CYB5A: variants seen among roughly 807,000 people sequenced by gnomAD.
CYB5A encodes the protein cytochrome b5.
CYB5A carries 10 observed loss-of-function variants against 16.2 expected under a neutral mutation model. That is an observed-to-expected ratio of 0.62 (90% CI 0.38 to 1.04). The LOEUF is 1.04. CYB5A is among the 50% of genes least tolerant of loss of function. The pLI, the probability that CYB5A is intolerant of heterozygous loss-of-function variation, is 0.01. For synonymous variants in CYB5A, 62 were observed against 57.0 expected, an observed-to-expected ratio of 1.09 and a Z score of -0.40; for missense variants, 161 against 165.9, an observed-to-expected ratio of 0.97 and a Z score of 0.16.
chr18:74,265,022 T>C (rs992883528), intron 1 of CYB5A, among the ~76,000 whole-genome samples: 1 of 152,204 alleles, frequency 6.6e-6, no homozygotes, highest in African/African-American at 2.4e-5. Flanking sequence ...GCAAGTCACC[T>C]GCAAGTGTCC....
chr18:74,291,954 C>G lies in CYB5A; in HGVS notation c.-79G>C, dbSNP rs1040122670. 1.4e-5 allele frequency: 22 copies of G among 1,597,266 alleles called. No individual in the cohort carries two copies. The African/African-American group carries it at 1.5e-4, about 11-fold the overall frequency. ...AGCGCGCGACTCAGCCAGCTCCACCCGGGACATTCCCCGCGCCGGGAACCC... is the reference window on the plus strand; with the variant it reads ...AGCGCGCGACTCAGCCAGCTCCACCGGGGACATTCCCCGCGCCGGGAACCC... On this transcript the variant is annotated 5_prime_UTR_variant, in exon 1 of 5. Transcript: ENST00000340533.
intron 3 of CYB5A, chr18:74,257,683 G>A (rs75535162): frequency 0.11 from 16,466 of 152,340 alleles, 985 homozygotes; most frequent in South Asian, 0.21. Context: ...TTGGGAGGCC[G>A]AGATTGGCGG....
intron 1 of CYB5A, among the ~76,000 whole-genome samples, chr18:74,286,264 C>G (rs1983316493): frequency 6.6e-6 from 1 of 152,146 alleles, no homozygotes; most frequent in Non-Finnish European, 1.5e-5. Context: ...TATTATTTTC[C>G]CCTTACACAA....
chr18:74,267,631 G>T (rs1012606139), intron 1 of CYB5A, among the ~76,000 whole-genome samples: 1 of 152,148 alleles, frequency 6.6e-6, no homozygotes, highest in African/African-American at 2.4e-5. Context: ...AAAAGGCAAG[G>T]CAGAAAGTAG....
intron 1 of CYB5A, among the ~76,000 whole-genome samples, chr18:74,289,574 G>A (rs1983448844): frequency 1.3e-5 from 2 of 152,088 alleles, no homozygotes; most frequent in African/African-American, 2.4e-5. Context: ...TCAGCAGTTC[G>A]AGACCAACTT....
chr18:74,274,406 T>A (rs545173985), intron 1 of CYB5A, among the ~76,000 whole-genome samples: 1 of 152,212 alleles, frequency 6.6e-6, no homozygotes, highest in Non-Finnish European at 1.5e-5. Context: ...TAAAAGTGGA[T>A]CTATAAAAAC....
Position 74,252,671 on chromosome 18 carries a change from A to T in CYB5A, c.*913T>A, listed in dbSNP as rs555981154. 6.6e-6 allele frequency: 1 copy of T among 152,290 alleles called. No homozygotes were observed. Among genetic ancestry groups the T allele is most frequent in the African/African-American group, 2.4e-5 (1 of 41,558 alleles). 9.4% of individuals were successfully genotyped at this position (152,290 alleles called of 1,614,324 possible). A position where few individuals can be genotyped will look rare whatever the true frequency, so the allele number is the denominator to read the frequency against. On this transcript the variant is annotated 3_prime_UTR_variant, in exon 5 of 5. Coordinates refer to ENST00000340533, the MANE Select transcript of CYB5A (RefSeq NM_148923.4). ...AGTTGCTGATGTTTTTCAATCAGTGAAGATAAGAAGTCTCTCTTATAGGCC... is the reference window on the plus strand; with the variant it reads ...AGTTGCTGATGTTTTTCAATCAGTGTAGATAAGAAGTCTCTCTTATAGGCC...
At chr18:74,283,218 G>A (rs1182434776) in intron 1 of CYB5A, among the ~76,000 whole-genome samples, 2 of 152,184 alleles carry the variant, frequency 1.3e-5, no homozygotes, top group Non-Finnish European at 2.9e-5. Context: ...GGGACCCACT[G>A]AGGGATTTAT....
intron 3 of CYB5A, chr18:74,256,923 AT>A: frequency 7.3e-7 from 1 of 1,362,448 alleles, no homozygotes; most frequent in South Asian, 1.2e-5. Flanking sequence ...TATTCCAGCA[AT>A]TTTAAAATCT....
At chr18:74,288,140 C>T (rs1196597717) in intron 1 of CYB5A, among the ~76,000 whole-genome samples, 8 of 152,220 alleles carry the variant, frequency 5.3e-5, no homozygotes, top group South Asian at 2.1e-4. Flanking sequence ...TCTACCCCTC[C>T]GCCTAAACAA....
chr18:74,255,391 A>G (rs1981932740), intron 4 of CYB5A, among the ~76,000 whole-genome samples: 1 of 152,230 alleles, frequency 6.6e-6, no homozygotes, highest in South Asian at 2.1e-4. Flanking sequence ...AGTTTAAGAA[A>G]CAGACATGGA....
rs1983567315 is a variant in CYB5A, at chr18:74,291,931, C to G, written c.-56G>C. The G allele has an allele frequency of 3.7e-6, 6 of 1,603,610 alleles. No individual in the cohort carries two copies. The highest frequency in any genetic ancestry group is 4.2e-6 in the Non-Finnish European group (5 of 1,179,528). On this transcript the variant is annotated 5_prime_UTR_variant, in exon 1 of 5. Transcript: ENST00000340533. ...CACAGCCCCGTCGGGTGGAGCAGAGCGCGCGACTCAGCCAGCTCCACCCGG... is the reference window on the plus strand; with the variant it reads ...CACAGCCCCGTCGGGTGGAGCAGAGGGCGCGACTCAGCCAGCTCCACCCGG...
chr18:74,255,260 A>G (rs1981928142), intron 4 of CYB5A, among the ~76,000 whole-genome samples: 1 of 152,226 alleles, frequency 6.6e-6, no homozygotes, highest in Admixed American at 6.5e-5. Flanking sequence ...GGACTATCAT[A>G]AACAAATCTG....
chr18:74,272,409 C>T (rs1440301260), intron 1 of CYB5A, among the ~76,000 whole-genome samples: 2 of 152,148 alleles, frequency 1.3e-5, no homozygotes, highest in Non-Finnish European at 2.9e-5. Flanking sequence ...TTCCATCTGC[C>T]ATTGAGCACC....
chr18:74,251,001 C>G lies in CYB5A; in HGVS notation c.*2583G>C, dbSNP rs2145029658. ...TGGCTAACATGGTGAAATCCCGTCT[C>G]TACTAAAAATACAAAAAAATTAGCT... On this transcript the variant is annotated 3_prime_UTR_variant, in exon 5 of 5. Coordinates refer to ENST00000340533, the MANE Select transcript of CYB5A (RefSeq NM_148923.4). 6.6e-6 allele frequency: 1 copy of G among 152,080 alleles called. No homozygotes were observed. The highest frequency in any genetic ancestry group is 1.9e-4 in the East Asian group (1 of 5,158). 9.4% of individuals were successfully genotyped at this position (152,080 alleles called of 1,614,324 possible).
rs1010258608 is a variant in CYB5A, at chr18:74,252,481, T to C, written c.*1103A>G. 6.6e-6 allele frequency: 1 copy of C among 152,180 alleles called. No individual in the cohort carries two copies. Among genetic ancestry groups the C allele is most frequent in the Non-Finnish European group, 1.5e-5 (1 of 68,048 alleles). The allele number at this position is 152,180 out of a possible 1,614,324, so 9.4% of individuals were successfully genotyped here. On this transcript the variant is annotated 3_prime_UTR_variant, in exon 5 of 5. Coordinates refer to ENST00000340533, the MANE Select transcript of CYB5A (RefSeq NM_148923.4). Reference sequence around the variant, plus strand: ...AATGTCCCACAATCTCCTTACAAATTAGAAAACCAGCCTTTCCTTAGAAGA... The same window carrying C: ...AATGTCCCACAATCTCCTTACAAATCAGAAAACCAGCCTTTCCTTAGAAGA...
chr18:74,274,972 C>T (rs1034810636), intron 1 of CYB5A, among the ~76,000 whole-genome samples: 1 of 152,200 alleles, frequency 6.6e-6, no homozygotes, highest in Non-Finnish European at 1.5e-5. Context: ...ATCCTTACCC[C>T]ACTTTTGTCC....
intron 3 of CYB5A, chr18:74,256,655 A>G (rs1220617272): frequency 4.8e-6 from 3 of 622,040 alleles, no homozygotes; most frequent in Non-Finnish European, 8.5e-6. Context: ...GTTGCCATAA[A>G]TAAGACAGCT....
intron 1 of CYB5A, 150 bp from the exon 2 acceptor site, chr18:74,263,627 C>T (rs1274349385): frequency 1.4e-6 from 1 of 723,274 alleles, no homozygotes; most frequent in Non-Finnish European, 2.4e-6. Context: ...TGGATTAAAA[C>T]AACACAGGCC....
Sources: allele counts gnomAD v4.1 joint callset (sites outside exome capture counted in the v4.1 genomes callset), GRCh38; gene constraint gnomAD v4.1.1; transcripts MANE v1.5; gene names NCBI Gene and HGNC (gene_info 2026-07-23, HGNC 2026-07-21).